HIPK3: variants seen among roughly 807,000 people sequenced by gnomAD.
The protein encoded by HIPK3 is homeodomain-interacting protein kinase 3.
Under a neutral mutation model 124.2 loss-of-function variants are expected in HIPK3, and 47 were observed. The ratio of observed to expected loss-of-function variants is 0.38; its 90% CI spans 0.30 to 0.48. The LOEUF (loss-of-function observed/expected upper bound fraction) is 0.48, where lower values mean the gene tolerates loss of function less well. Among genes scored for constraint, HIPK3 ranks in the 20% least tolerant of loss-of-function variants. The probability of loss-of-function intolerance (pLI) is 0.98; values close to 1 mark genes in which losing one functional copy is unlikely to be tolerated. For missense variants in HIPK3, 1,286 were observed against 1,454.3 expected (o/e 0.88, Z 1.88); for synonymous variants, 482 against 515.2 (o/e 0.94, Z 0.87).
At chr11:33,272,967 T>G (rs1269462392) in intron 1 of HIPK3, among the ~76,000 whole-genome samples, 1 of 151,208 alleles carries the variant, frequency 6.6e-6, no homozygotes, top group Non-Finnish European at 1.5e-5. Flanking sequence ...CCCAAGTAGC[T>G]GGGACTATAG....
intron 2 of HIPK3, among the ~76,000 whole-genome samples, chr11:33,294,189 A>G (rs1420729784): frequency 6.6e-6 from 1 of 151,674 alleles, no homozygotes; most frequent in Non-Finnish European, 1.5e-5. Context: ...TGGAGCAAGG[A>G]GAGAGAACAA....
At chr11:33,301,633 A>C (rs917051021) in intron 2 of HIPK3, among the ~76,000 whole-genome samples, 11 of 151,626 alleles carry the variant, frequency 7.3e-5, no homozygotes, top group African/African-American at 1.7e-4. Flanking sequence ...AAAAAAAAAA[A>C]AAAACTTGGG....
intron 2 of HIPK3, 150 bp downstream of exon 2, chr11:33,287,661 T>TA (rs1171667687): frequency 2.1e-5 from 18 of 850,752 alleles, no homozygotes; most frequent in South Asian, 1.1e-4. Flanking sequence ...TTAAAGAGAT[T>TA]AAAAAAAATC....
rs1408956484 is a variant in HIPK3, at chr11:33,353,261, G to A, written c.3341G>A (p.Gly1114Glu). 1.2e-6 allele frequency: 2 copies of A among 1,614,116 alleles called. No individual in the cohort carries two copies. The highest frequency in any genetic ancestry group is 1.7e-6 in the Non-Finnish European group (2 of 1,180,022). Residue 1114 changes from glycine to glutamate, a missense_variant, in exon 17 of 17, where the codon GGA becomes GAA. Gly to Glu is a moderately conservative substitution (Grantham distance 98). Coordinates refer to ENST00000303296, the MANE Select transcript of HIPK3 (RefSeq NM_005734.5). ...AHLAGNTHLG[G>E]QPTLLPYPSS... ...CTGGCTGGAAATACACACCTCGGAG[G>A]ACAGCCTACTCTACTTCCATACCCA...
Position 33,356,708 on chromosome 11 carries a change from A to C in HIPK3, c.*3140A>C, listed in dbSNP as rs1278873368. On this transcript the variant is annotated 3_prime_UTR_variant, in exon 17 of 17. Coordinates refer to ENST00000303296, the MANE Select transcript of HIPK3 (RefSeq NM_005734.5). ...AAGTTTGAACTGTTAATTGTTTAAC[A>C]ATTTTAGACTTGTGGCTTTCTTTCT... 6.6e-6 allele frequency: 1 copy of C among 152,140 alleles called. No individual in the cohort carries two copies. Among genetic ancestry groups the C allele is most frequent in the African/African-American group, 2.4e-5 (1 of 41,464 alleles). The allele number at this position is 152,140 out of a possible 1,614,324, so 9.4% of individuals were successfully genotyped here. A position where few individuals can be genotyped will look rare whatever the true frequency, so the allele number is the denominator to read the frequency against.
chr11:33,281,058 CTT>C (rs56902582), intron 1 of HIPK3, among the ~76,000 whole-genome samples: 7 of 111,804 alleles, frequency 6.3e-5, no homozygotes, highest in African/African-American at 2.5e-4. Flanking sequence ...ACTTATTTGA[CTT>C]TTTTTTTTTT....
At chr11:33,350,829 A>G (rs560664913) in intron 14 of HIPK3, among the ~76,000 whole-genome samples, 1 of 152,340 alleles carries the variant, frequency 6.6e-6, no homozygotes, top group African/African-American at 2.4e-5. Flanking sequence ...TCTATGGAAA[A>G]TATAAGGAAA....
In HIPK3 at chr11:33,323,573, G is replaced by A. The variant is rs1317501194; in HGVS notation, c.1098-4937G>A. On this transcript the variant is annotated intron_variant, in intron 2 of 16. Transcript: ENST00000303296. ...CCATTTATATGAAATGTCCAGAATAGGCAAATCTATAGAGACAGAAAGTGG... is the reference window on the plus strand; with the variant it reads ...CCATTTATATGAAATGTCCAGAATAAGCAAATCTATAGAGACAGAAAGTGG... Among the ~76,000 whole-genome samples the A allele has an allele frequency of 3.3e-5, 5 of 152,176 alleles. No homozygotes were observed. The South Asian group carries it at 1.0e-3, about 31-fold the overall frequency.
At chr11:33,258,773 C>G in intron 1 of HIPK3, 1 of 966,668 alleles carries the variant, frequency 1.0e-6, no homozygotes, top group Non-Finnish European at 1.2e-6. Context: ...CGTAAATTAC[C>G]TTGGACTTGT....
At chr11:33,345,720 C>CT (rs761012242) in intron 8 of HIPK3, among the ~76,000 whole-genome samples, 19 of 151,920 alleles carry the variant, frequency 1.3e-4, no homozygotes, top group Non-Finnish European at 2.4e-4. Context: ...TCAAGACAGG[C>CT]TTTTTAGCAG....
intron 8 of HIPK3, among the ~76,000 whole-genome samples, chr11:33,342,854 A>AT (rs1283015168): frequency 2.0e-5 from 3 of 152,176 alleles, no homozygotes; most frequent in African/African-American, 7.2e-5. Context: ...CTGGCTATAC[A>AT]TTCTTAAACT....
At chr11:33,277,377 G>T (rs991823155) in intron 1 of HIPK3, among the ~76,000 whole-genome samples, 1 of 152,052 alleles carries the variant, frequency 6.6e-6, no homozygotes, top group African/African-American at 2.4e-5. Context: ...AATTCATTTT[G>T]CTGCACTTCA....
intron 2 of HIPK3, among the ~76,000 whole-genome samples, chr11:33,322,354 T>C (rs764641993): frequency 6.6e-6 from 1 of 152,184 alleles, no homozygotes; most frequent in Admixed American, 6.5e-5. Flanking sequence ...GAAATTTGCT[T>C]GAAGGGAATT....
intron 8 of HIPK3, among the ~76,000 whole-genome samples, chr11:33,343,890 T>G (rs1853417537): frequency 1.3e-5 from 2 of 152,268 alleles, no homozygotes; most frequent in South Asian, 2.1e-4. Flanking sequence ...GCCACAGTGG[T>G]GGTCTGTGAG....
intron 14 of HIPK3, among the ~76,000 whole-genome samples, chr11:33,351,018 A>C (rs1853642287): frequency 6.6e-6 from 1 of 152,146 alleles, no homozygotes. Context: ...AGTGGTTGAA[A>C]CAGACAATAA....
intron 3 of HIPK3, among the ~76,000 whole-genome samples, chr11:33,329,255 T>C (rs1852901016): frequency 6.6e-6 from 1 of 152,224 alleles, no homozygotes; most frequent in South Asian, 2.1e-4. Flanking sequence ...ACCAAGATTA[T>C]TTTTTGGAGA....
upstream of HIPK3, chr11:33,256,759 G>T: frequency 2.1e-6 from 2 of 965,850 alleles, no homozygotes; most frequent in Non-Finnish European, 2.5e-6. Flanking sequence ...GGAGGTGGGC[G>T]AACTTCACAA....
chr11:33,351,905 C>G (rs1853673164), intron 15 of HIPK3, 62 bp downstream of exon 15: 1 of 1,373,856 alleles, frequency 7.3e-7, no homozygotes, highest in Non-Finnish European at 1.0e-6. Context: ...TTAGGAAAAT[C>G]TGAGAATGCA....
chr11:33,258,186 C>T (rs1565048150), intron 1 of HIPK3: 2 of 630,520 alleles, frequency 3.2e-6, no homozygotes, highest in African/African-American at 4.0e-5. Flanking sequence ...CCGCGCCTGG[C>T]CGGGGCCCGG....
Sources: allele counts gnomAD v4.1 joint callset (sites outside exome capture counted in the v4.1 genomes callset), GRCh38; gene constraint gnomAD v4.1.1; transcripts MANE v1.5; gene names NCBI Gene and HGNC (gene_info 2026-07-23, HGNC 2026-07-21).